The following RASGRP3 variants were observed in gnomAD, a reference collection of about 807,000 sequenced individuals.
RASGRP3 encodes RAS guanyl releasing protein 3, also known as ras guanyl-releasing protein 3.
Under a neutral mutation model 82.7 loss-of-function variants are expected in RASGRP3, and 54 were observed. The ratio of observed to expected loss-of-function variants is 0.65; its 90% CI spans 0.52 to 0.82. The LOEUF is 0.82. Ranked by LOEUF, RASGRP3 falls within the 40% of genes least tolerant of loss-of-function variation. The pLI, the probability that RASGRP3 is intolerant of heterozygous loss-of-function variation, is 0.00. For synonymous variants in RASGRP3, 309 were observed against 300.5 expected (o/e 1.03, Z -0.29); for missense variants, 861 against 828.9 (o/e 1.04, Z -0.48).
chr2:33,541,299 C>T (rs1674262395), intron 12 of RASGRP3, among the ~76,000 whole-genome samples: 1 of 147,044 alleles, frequency 6.8e-6, no homozygotes, highest in Non-Finnish European at 1.5e-5. Context: ...AACCACTGAT[C>T]ATTTGTAGAT....
At chr2:33,527,466 C>G in intron 10 of RASGRP3, 54 bp downstream of exon 10, 1 of 1,515,258 alleles carries the variant, frequency 6.6e-7, no homozygotes, top group Non-Finnish European at 9.0e-7. Flanking sequence ...ACCTTTCTTT[C>G]CAGGAGACAC....
chr2:33,478,885 C>G (rs141733989), intron 1 of RASGRP3, among the ~76,000 whole-genome samples: 46 of 152,266 alleles, frequency 3.0e-4, no homozygotes, highest in African/African-American at 1.1e-3. Flanking sequence ...TATTTATTTT[C>G]ATAGTCTCCT....
intron 9 of RASGRP3, among the ~76,000 whole-genome samples, chr2:33,525,849 C>T (rs1316225350): frequency 6.6e-6 from 1 of 152,112 alleles, no homozygotes; most frequent in Non-Finnish European, 1.5e-5. Flanking sequence ...TGCACTCCAG[C>T]CTGGGGGACA....
At chr2:33,529,755 C>G (rs1672930414) in intron 10 of RASGRP3, among the ~76,000 whole-genome samples, 1 of 152,008 alleles carries the variant, frequency 6.6e-6, no homozygotes, top group Non-Finnish European at 1.5e-5. Flanking sequence ...TTGACTTTGG[C>G]TTTTTTTAAA....
chr2:33,550,243 G>T (rs1436984498), intron 14 of RASGRP3, among the ~76,000 whole-genome samples: 2 of 152,180 alleles, frequency 1.3e-5, no homozygotes, highest in Admixed American at 6.5e-5. Flanking sequence ...ATGCTTGACG[G>T]TAACAAAGTA....
At chr2:33,514,522 A>AAC (rs1293905929) in intron 2 of RASGRP3, among the ~76,000 whole-genome samples, 1 of 148,942 alleles carries the variant, frequency 6.7e-6, no homozygotes, top group Non-Finnish European at 1.5e-5. Context: ...AAAAAAAAAA[A>AAC]AAAAACCCAA....
chr2:33,492,409 T>A (rs1668930414), intron 1 of RASGRP3, among the ~76,000 whole-genome samples: 1 of 152,186 alleles, frequency 6.6e-6, no homozygotes, highest in Non-Finnish European at 1.5e-5. Flanking sequence ...ATTTCAGGAT[T>A]GTATAGATCT....
chr2:33,561,228 G>A (rs1053186676), intron 17 of RASGRP3, among the ~76,000 whole-genome samples: 3 of 151,936 alleles, frequency 2.0e-5, no homozygotes, highest in South Asian at 2.1e-4. Flanking sequence ...CACCATGCCC[G>A]GCTGATTTTT....
chr2:33,550,822 G>C (rs1259834087), intron 14 of RASGRP3, among the ~76,000 whole-genome samples: 1 of 152,178 alleles, frequency 6.6e-6, no homozygotes, highest in African/African-American at 2.4e-5. Flanking sequence ...GCAGGAGTCT[G>C]TGTTCAAGCA....
intron 2 of RASGRP3, among the ~76,000 whole-genome samples, chr2:33,463,066 T>G (rs1483936875): frequency 1.3e-5 from 2 of 152,238 alleles, no homozygotes; most frequent in African/African-American, 4.8e-5. Flanking sequence ...TTACCACTCA[T>G]CTGCGTTTAT....
chr2:33,447,698 T>A (rs892993083), intron 1 of RASGRP3: 3 of 152,314 alleles, frequency 2.0e-5, no homozygotes, highest in Non-Finnish European at 4.4e-5. Flanking sequence ...GTCCTGGGAT[T>A]ACAGGCGTGA....
At chr2:33,483,486 A>ATT (rs202150682) in intron 1 of RASGRP3, among the ~76,000 whole-genome samples, 23,833 of 125,580 alleles carry the variant, frequency 0.19, 2,909 homozygotes, top group South Asian at 0.27. Context: ...TTTAGCCACT[A>ATT]TTTTTTTTTT....
chr2:33,504,346 T>A (rs1368177096), intron 1 of RASGRP3, among the ~76,000 whole-genome samples: 1 of 152,218 alleles, frequency 6.6e-6, no homozygotes, highest in Non-Finnish European at 1.5e-5. Flanking sequence ...TCACCAGACT[T>A]AATGGACTCA....
chr2:33,468,360 C>T (rs1666848069), intron 2 of RASGRP3, among the ~76,000 whole-genome samples: 1 of 151,930 alleles, frequency 6.6e-6, no homozygotes, highest in Admixed American at 6.6e-5. Context: ...TTATATCTCA[C>T]TTAATCGATG....
At chr2:33,462,384 C>CT (rs375192496) in intron 2 of RASGRP3, among the ~76,000 whole-genome samples, 48,766 of 138,838 alleles carry the variant, frequency 0.35, 9,808 homozygotes, top group Non-Finnish European at 0.47. Flanking sequence ...TTTTGTTTTT[C>CT]TTTTTTTTTT....
chr2:33,441,181 G>A (rs944527070), intron 1 of RASGRP3, among the ~76,000 whole-genome samples: 4 of 152,142 alleles, frequency 2.6e-5, no homozygotes, highest in African/African-American at 9.6e-5. Flanking sequence ...CGTGAGCCAC[G>A]GCACCCAGCC....
At chr2:33,539,701 C>T (rs950131673) in intron 12 of RASGRP3, 1 of 152,270 alleles carries the variant, frequency 6.6e-6, no homozygotes, top group Non-Finnish European at 1.5e-5. Flanking sequence ...CAGAGTTTTC[C>T]GTGTAGAAAA....
intron 6 of RASGRP3, 70 bp downstream of exon 6, chr2:33,520,754 C>A: frequency 3.2e-6 from 5 of 1,580,192 alleles, no homozygotes; most frequent in South Asian, 1.2e-5. Flanking sequence ...GTGATCACCC[C>A]ACTTGTTCTG....
rs546865926 is a variant in RASGRP3 at position 33,554,708 on chromosome 2, C to T, written c.1543-823C>T. Among the ~76,000 whole-genome samples the T allele has an allele frequency of 2.1e-3, 319 of 152,176 alleles. 1 individual carries two copies. Among genetic ancestry groups the T allele is most frequent in the African/African-American group, 7.0e-3 (292 of 41,500 alleles). The stretch of plus-strand genomic sequence containing the variant: ...CAGGATGGTCTCGATCTCCTGACCT[C>T]GTGATCTGCTCTTCTCGGCCTCCAA... On this transcript the variant is annotated intron_variant, in intron 14 of 17. Transcript: ENST00000403687.
Sources: gnomAD v4.1 joint callset for allele counts (sites outside exome capture counted in the v4.1 genomes callset) on GRCh38, gnomAD v4.1.1 for gene constraint, MANE v1.5 for transcripts, NCBI Gene and HGNC (gene_info 2026-07-23, HGNC 2026-07-21) for gene names.